Variants in SASS6 observed in about 807,000 individuals in gnomAD.
The protein encoded by SASS6 is SAS-6 centriolar assembly protein, also known as spindle assembly abnormal protein 6 homolog.
SASS6 carries 59 observed loss-of-function variants against 94.9 expected under a neutral mutation model. That is an observed-to-expected ratio of 0.62 (90% CI 0.50 to 0.77). The LOEUF (loss-of-function observed/expected upper bound fraction) is 0.77. SASS6 is among the 30% of genes least tolerant of loss of function. The probability of loss-of-function intolerance (pLI) is 0.00; values close to 1 mark genes in which losing one functional copy is unlikely to be tolerated. For missense variants in SASS6, 698 were observed against 734.1 expected (o/e 0.95, Z 0.57); for synonymous variants, 264 against 270.0 (o/e 0.98, Z 0.22).
chr1:100,093,268 A>T (rs1441142197), intron 14 of SASS6, among the ~76,000 whole-genome samples: 1 of 142,648 alleles, frequency 7.0e-6, no homozygotes, highest in Non-Finnish European at 1.5e-5. Context: ...CCACCTCCAC[A>T]TCCTGGGCTC....
intron 4 of SASS6, 100 bp downstream of exon 4, chr1:100,122,280 T>C (rs1053809245): frequency 1.8e-6 from 1 of 556,020 alleles, no homozygotes; most frequent in Non-Finnish European, 3.2e-6. Context: ...TAAACAGGGA[T>C]AGTCATAATA....
intron 1 of SASS6, among the ~76,000 whole-genome samples, chr1:100,126,607 T>C (rs1417795068): frequency 6.6e-6 from 1 of 151,916 alleles, no homozygotes; most frequent in African/African-American, 2.4e-5. Flanking sequence ...CAAAACCTCA[T>C]CTCTACAAAA....
chr1:100,124,679 C>A (rs1654439175), intron 2 of SASS6, among the ~76,000 whole-genome samples: 1 of 152,208 alleles, frequency 6.6e-6, no homozygotes, highest in African/African-American at 2.4e-5. Flanking sequence ...CTGCCCTTGG[C>A]ACAGATGCCG....
At chr1:100,125,255 A>G (rs868288596) in intron 2 of SASS6, among the ~76,000 whole-genome samples, 8 of 131,142 alleles carry the variant, frequency 6.1e-5, no homozygotes, top group African/African-American at 2.7e-4. Flanking sequence ...GTGTGTGTGT[A>G]TGACCAACAG....
intron 15 of SASS6, among the ~76,000 whole-genome samples, chr1:100,085,919 A>G (rs1272786920): frequency 6.6e-6 from 1 of 152,216 alleles, no homozygotes; most frequent in Non-Finnish European, 1.5e-5. Flanking sequence ...CTAGCACATA[A>G]GTGATACATG....
chr1:100,108,452 T>G (rs116558417), intron 8 of SASS6, among the ~76,000 whole-genome samples: 4,523 of 152,076 alleles, frequency 0.03, 90 homozygotes, highest in Non-Finnish European at 0.045. Flanking sequence ...TATCTTTCTA[T>G]GTCAATAAAT....
intron 1 of SASS6, among the ~76,000 whole-genome samples, chr1:100,129,824 G>C (rs1322986142): frequency 6.6e-6 from 1 of 152,138 alleles, no homozygotes; most frequent in Non-Finnish European, 1.5e-5. Context: ...GTCAAATCAT[G>C]GGTTCCAAAA....
At chr1:100,089,317 A>C (rs1041702107) in intron 14 of SASS6, among the ~76,000 whole-genome samples, 3 of 152,108 alleles carry the variant, frequency 2.0e-5, no homozygotes, top group African/African-American at 4.8e-5. Context: ...ACACCAAAAA[A>C]GAGAACAAAA....
intron 2 of SASS6, among the ~76,000 whole-genome samples, chr1:100,123,781 C>A (rs572915207): frequency 1.3e-5 from 2 of 152,342 alleles, no homozygotes; most frequent in African/African-American, 4.8e-5. Flanking sequence ...AACACGTTGC[C>A]AGGCTTCTTC....
chr1:100,091,852 G>A (rs1651722988), intron 14 of SASS6, among the ~76,000 whole-genome samples: 1 of 151,020 alleles, frequency 6.6e-6, no homozygotes. Context: ...TGTCTTTTGA[G>A]TCCTAAAAGA....
chr1:100,115,921 C>T (rs1238931027), intron 7 of SASS6, among the ~76,000 whole-genome samples: 1 of 151,980 alleles, frequency 6.6e-6, no homozygotes, highest in African/African-American at 2.4e-5. Flanking sequence ...TATTATACTC[C>T]ACAAAATTAT....
At position 100,110,388 on chromosome 1, in the gene SASS6, A is replaced by AG. The variant is rs1472169446; in HGVS notation, c.764dup (p.Glu256Ter). The AG allele has an allele frequency of 6.2e-7, 1 of 1,609,360 alleles. No individual in the cohort carries two copies. The highest frequency in any genetic ancestry group is 1.3e-5 in the African/African-American group (1 of 74,810). On this transcript the variant is annotated frameshift_variant, in exon 8 of 17. Coordinates refer to ENST00000287482, the MANE Select transcript of SASS6 (RefSeq NM_194292.3). LOFTEE classifies it high-confidence loss of function. ...AGTCTTTATTAGCCGCTTCTAACTC[A>AG]GACAGTCTGTTTTGTAGCTGGTGGA...
chr1:100,110,408 G>T lies in SASS6; in HGVS notation c.745C>A (p.Gln249Lys). Residue 249 changes from glutamine to lysine, a missense_variant, in exon 8 of 17, where the codon CAG becomes AAG. Transcript: ENST00000287482. ...LEILHQQNIH[Q>K]LQNRLSELEA... ...AACTCAGACAGTCTGTTTTGTAGCTGGTGGATGTTTTGTTGATGGAGGATT... is the reference window on the plus strand; with the variant it reads ...AACTCAGACAGTCTGTTTTGTAGCTTGTGGATGTTTTGTTGATGGAGGATT... 1 of 1,610,406 alleles carries T rather than the reference G, an allele frequency of 6.2e-7. No individual in the cohort carries two copies.
In SASS6 at chr1:100,107,415, ATTCCTTTTG is replaced by A. The variant is rs771946713; in HGVS notation, c.1276_1284del (p.Gln426_Glu428del). 10 of 1,609,842 alleles carry A rather than the reference ATTCCTTTTG, an allele frequency of 6.2e-6. No homozygotes were observed. The highest frequency in any genetic ancestry group is 3.3e-5 in the Admixed American group (2 of 59,816). On this transcript the variant is annotated inframe_deletion, in exon 11 of 17. Coordinates refer to ENST00000287482, the MANE Select transcript of SASS6 (RefSeq NM_194292.3). ...CGAAGAGACTGTCCAACATCTTGTA[ATTCCTTTTG>A]TTCCTTTTGTAATTTTTCCTCCTTC...
rs182425977 is a variant in SASS6 at position 100,111,901 on chromosome 1, A to G, written c.670-1418T>C. On this transcript the variant is annotated intron_variant, in intron 7 of 16. Coordinates refer to ENST00000287482, the MANE Select transcript of SASS6 (RefSeq NM_194292.3). ...GTCTAAGAGAGTAATCAAAGACACTAAAGACAATAGAGGCCAAAAGCAGTG... is the reference window on the plus strand; with the variant it reads ...GTCTAAGAGAGTAATCAAAGACACTGAAGACAATAGAGGCCAAAAGCAGTG... Among the ~76,000 whole-genome samples, 276 of 152,258 alleles carry G rather than the reference A, an allele frequency of 1.8e-3. 1 individual carries two copies. Among genetic ancestry groups the G allele is most frequent in the Non-Finnish European group, 3.3e-3 (224 of 67,980 alleles).
At chr1:100,116,101 CTATA>C (rs1653783471) in intron 7 of SASS6, among the ~76,000 whole-genome samples, 1 of 151,932 alleles carries the variant, frequency 6.6e-6, no homozygotes, top group South Asian at 2.1e-4. Context: ...ATTAAAAAAA[CTATA>C]TACGGCAAAA....
chr1:100,115,364 G>T (rs911568244), intron 7 of SASS6, among the ~76,000 whole-genome samples: 5 of 151,678 alleles, frequency 3.3e-5, no homozygotes, highest in Non-Finnish European at 5.9e-5. Flanking sequence ...GACTGCAAAA[G>T]AAAAAGAGAA....
At chr1:100,127,827 G>A (rs1654725439) in intron 1 of SASS6, among the ~76,000 whole-genome samples, 1 of 151,740 alleles carries the variant, frequency 6.6e-6, no homozygotes, top group Admixed American at 6.6e-5. Context: ...CTTTCGTGGT[G>A]GGGTGGGGGA....
In SASS6 at chr1:100,107,360, A is replaced by G. The variant is rs779692640; in HGVS notation, c.1326+14T>C. On this transcript the variant is annotated intron_variant, in intron 11 of 16. Coordinates refer to ENST00000287482, the MANE Select transcript of SASS6 (RefSeq NM_194292.3). ...AAATTTAGTTACAACATAAAAATTT[A>G]AAATATTAACTACCTCTTGCTCTTT... 2.0e-6 allele frequency: 3 copies of G among 1,517,002 alleles called. No homozygotes were observed. The East Asian group carries it at 6.8e-5, about 34-fold the overall frequency. 94.0% of individuals were successfully genotyped at this position (1,517,002 alleles called of 1,614,324 possible).
Sources: gnomAD v4.1 joint callset for allele counts (sites outside exome capture counted in the v4.1 genomes callset) on GRCh38, gnomAD v4.1.1 for gene constraint, MANE v1.5 for transcripts, NCBI Gene and HGNC (gene_info 2026-07-23, HGNC 2026-07-21) for gene names.